Variants in ZBTB20 observed in about 807,000 individuals in gnomAD.
ZBTB20 encodes the protein zinc finger and BTB domain-containing protein 20.
In ZBTB20, 9 loss-of-function variants were observed where a neutral mutation model predicts 56.9. That is an observed-to-expected ratio of 0.16 (90% CI 0.10 to 0.28). The LOEUF (loss-of-function observed/expected upper bound fraction) is 0.28. ZBTB20 is among the 10% of genes least tolerant of loss of function. The pLI, the probability that ZBTB20 is intolerant of heterozygous loss-of-function variation, is 1.00. For missense variants in ZBTB20, 655 were observed against 1,003.0 expected (o/e 0.65, Z 4.69); for synonymous variants, 417 against 420.7 (o/e 0.99, Z 0.11).
At chr3:114,345,443 T>A (rs192836349) in intron 11 of ZBTB20, among the ~76,000 whole-genome samples, 9 of 152,262 alleles carry the variant, frequency 5.9e-5, no homozygotes, top group Non-Finnish European at 1.3e-4. Context: ...TTACCTCATA[T>A]GTGAGTGATT....
At chr3:114,461,133 G>A (rs566363385) in intron 7 of ZBTB20, among the ~76,000 whole-genome samples, 17 of 152,164 alleles carry the variant, frequency 1.1e-4, no homozygotes, top group African/African-American at 2.9e-4. Context: ...CAAAGAGAAG[G>A]GTTTCAGTGT....
chr3:115,004,957 T>C (rs529764906), intron 2 of ZBTB20, among the ~76,000 whole-genome samples: 2 of 151,730 alleles, frequency 1.3e-5, no homozygotes, highest in South Asian at 4.1e-4. Context: ...ATGCCAGCCA[T>C]TTCTTTCCAA....
chr3:114,597,529 T>C (rs141191542), intron 6 of ZBTB20, among the ~76,000 whole-genome samples: 1,723 of 152,328 alleles, frequency 0.011, 15 homozygotes, highest in Middle Eastern at 0.041. Context: ...ATGGCTTGTT[T>C]GTGCATTTAC....
chr3:114,735,964 A>G (rs1013018171), intron 5 of ZBTB20, among the ~76,000 whole-genome samples: 2 of 152,168 alleles, frequency 1.3e-5, no homozygotes, highest in Non-Finnish European at 2.9e-5. Context: ...ATAACACTTA[A>G]GTATAAGTCA....
intron 5 of ZBTB20, among the ~76,000 whole-genome samples, chr3:114,727,548 C>T (rs918445110): frequency 2.6e-5 from 4 of 152,212 alleles, no homozygotes; most frequent in African/African-American, 9.7e-5. Context: ...TATGTGGTAA[C>T]TATACTGTAA....
At chr3:114,725,515 A>C (rs1461420973) in intron 5 of ZBTB20, among the ~76,000 whole-genome samples, 1 of 152,258 alleles carries the variant, frequency 6.6e-6, no homozygotes, top group Non-Finnish European at 1.5e-5. Flanking sequence ...CGAAATTGAT[A>C]ATGAAAGTCA....
intron 4 of ZBTB20, among the ~76,000 whole-genome samples, chr3:114,872,395 A>C (rs939225134): frequency 2.6e-5 from 4 of 152,166 alleles, no homozygotes; most frequent in African/African-American, 9.6e-5. Context: ...TTTGTGTTGT[A>C]ACCAAGATTA....
At position 115,088,161 on chromosome 3, in the gene ZBTB20, C is replaced by G. The variant is rs146199179; in HGVS notation, c.-702-16747G>C. On this transcript the variant is annotated intron_variant, in intron 1 of 11. Coordinates refer to ENST00000675478, the MANE Select transcript of ZBTB20 (RefSeq NM_001348800.3). ...CTAAATAAATCACTGACCAAATTTT[C>G]CAATTCATGCTCTGCTGCTAAAGGG... 7.0e-4 allele frequency among the ~76,000 whole-genome samples: 107 copies of G among 151,940 alleles called. 3 individuals carry two copies. In the East Asian group the frequency reaches 0.014, roughly 20 times the overall value.
intron 7 of ZBTB20, among the ~76,000 whole-genome samples, chr3:114,451,028 A>C (rs960130288): frequency 2.0e-5 from 3 of 152,100 alleles, no homozygotes; most frequent in Non-Finnish European, 4.4e-5. Context: ...TCTATCACCA[A>C]ACCCTGAACA....
chr3:114,973,369 C>T (rs1378230526), intron 3 of ZBTB20, among the ~76,000 whole-genome samples: 1 of 152,126 alleles, frequency 6.6e-6, no homozygotes, highest in Non-Finnish European at 1.5e-5. Context: ...TTTGACATTA[C>T]CCTGTTGACA....
At position 114,437,015 on chromosome 3, in the gene ZBTB20, C is replaced by T. The variant is rs150639868; in HGVS notation, c.-254-47910G>A. Among the ~76,000 whole-genome samples, 58 of 152,274 alleles carry T rather than the reference C, an allele frequency of 3.8e-4. 1 individual carries two copies. The highest frequency in any genetic ancestry group is 1.3e-3 in the African/African-American group (55 of 41,572). On this transcript the variant is annotated intron_variant, in intron 7 of 11. Coordinates refer to ENST00000675478, the MANE Select transcript of ZBTB20 (RefSeq NM_001348800.3). ...AGCCATTCATGCCTTCATGCTATAA[C>T]CACTTCAACTCCAAGAGAGTTATCT...
intron 2 of ZBTB20, among the ~76,000 whole-genome samples, chr3:115,006,459 G>GTA (rs1560484548): frequency 1.4e-5 from 2 of 141,694 alleles, no homozygotes; most frequent in East Asian, 4.0e-4. Context: ...TTATCCAGTT[G>GTA]GATATATATA....
chr3:115,130,111 G>A (rs1383911840), intron 1 of ZBTB20, among the ~76,000 whole-genome samples: 1 of 152,136 alleles, frequency 6.6e-6, no homozygotes, highest in Non-Finnish European at 1.5e-5. Context: ...TTGTGTAACT[G>A]AGGAAAATAT....
At chr3:114,927,775 T>C (rs936357040) in intron 3 of ZBTB20, among the ~76,000 whole-genome samples, 1 of 152,186 alleles carries the variant, frequency 6.6e-6, no homozygotes, top group African/African-American at 2.4e-5. Flanking sequence ...TAGATAAAAA[T>C]ATAGTCCATA....
intron 7 of ZBTB20, among the ~76,000 whole-genome samples, chr3:114,456,997 A>G (rs2092058882): frequency 6.6e-6 from 1 of 152,244 alleles, no homozygotes; most frequent in Admixed American, 6.5e-5. Context: ...AACCTCTTTA[A>G]CAATGGCTGC....
At chr3:114,368,303 A>G (rs2082640446) in intron 10 of ZBTB20, among the ~76,000 whole-genome samples, 1 of 152,216 alleles carries the variant, frequency 6.6e-6, no homozygotes, top group South Asian at 2.1e-4. Flanking sequence ...TGGGGGTGAG[A>G]AAATATTTTC....
intron 1 of ZBTB20, among the ~76,000 whole-genome samples, chr3:115,125,974 A>G (rs373615914): frequency 2.0e-5 from 3 of 152,326 alleles, no homozygotes; most frequent in East Asian, 3.9e-4. Flanking sequence ...ATTAGTATCT[A>G]TAATATAAAG....
At chr3:115,074,007 C>T (rs1230203011) in intron 1 of ZBTB20, among the ~76,000 whole-genome samples, 1 of 152,106 alleles carries the variant, frequency 6.6e-6, no homozygotes, top group Non-Finnish European at 1.5e-5. Flanking sequence ...TCTCACCTTT[C>T]CTTTCAGCAA....
chr3:115,108,216 C>T (rs1351626567), intron 1 of ZBTB20, among the ~76,000 whole-genome samples: 2 of 151,958 alleles, frequency 1.3e-5, no homozygotes, highest in Admixed American at 6.6e-5. Context: ...GAAAATTCAG[C>T]TTGCCTTCAC....
Sources: allele counts gnomAD v4.1 joint callset (sites outside exome capture counted in the v4.1 genomes callset), GRCh38; gene constraint gnomAD v4.1.1; transcripts MANE v1.5; gene names NCBI Gene and HGNC (gene_info 2026-07-23, HGNC 2026-07-21).